The following CAMKK2 variants were observed in gnomAD, a reference collection of about 807,000 sequenced individuals.
CAMKK2 encodes calcium/calmodulin-dependent protein kinase kinase 2.
In CAMKK2, 30 loss-of-function variants were observed where a neutral mutation model predicts 67.2. That is an observed-to-expected ratio of 0.45 (90% CI 0.33 to 0.61). The LOEUF (loss-of-function observed/expected upper bound fraction) is 0.61, where lower values mean the gene tolerates loss of function less well. CAMKK2 is among the 20% of genes least tolerant of loss of function. The pLI is 0.02. For synonymous variants in CAMKK2, 322 were observed against 326.2 expected, an observed-to-expected ratio of 0.99 and a Z score of 0.14; for missense variants, 643 against 802.0, an observed-to-expected ratio of 0.80 and a Z score of 2.39.
At chr12:121,254,267 G>T (rs1891396464) in intron 9 of CAMKK2, among the ~76,000 whole-genome samples, 1 of 151,960 alleles carries the variant, frequency 6.6e-6, no homozygotes. Context: ...AGACCAGCCT[G>T]GCCAACATAG....
rs1235028808 is a variant in CAMKK2 at position 121,279,118 on chromosome 12, C to T, written c.-59-4533G>A. Among the ~76,000 whole-genome samples the T allele has an allele frequency of 3.3e-5, 5 of 152,266 alleles. No individual in the cohort carries two copies. In the East Asian group the frequency reaches 9.6e-4, roughly 29 times the overall value. ...CACCAGGCCAAGGGCACTGAGCCAT[C>T]CGCCCCCAGCAAGGCTGCTTTTAAT... On this transcript the variant is annotated intron_variant, in intron 1 of 16. Coordinates refer to ENST00000404169, the MANE Select transcript of CAMKK2 (RefSeq NM_001270485.2).
At chr12:121,247,568 G>A (rs1889750546) in intron 14 of CAMKK2, among the ~76,000 whole-genome samples, 1 of 152,226 alleles carries the variant, frequency 6.6e-6, no homozygotes, top group Admixed American at 6.5e-5. Flanking sequence ...ACAGGCACAA[G>A]GGGTGGTTGA....
chr12:121,277,298 A>G (rs1237222332), intron 1 of CAMKK2, among the ~76,000 whole-genome samples: 1 of 152,238 alleles, frequency 6.6e-6, no homozygotes, highest in African/African-American at 2.4e-5. Context: ...AGAACTGCAA[A>G]TTCAAACTAC....
At chr12:121,247,853 C>A (rs1889820754) in intron 14 of CAMKK2, among the ~76,000 whole-genome samples, 1 of 152,202 alleles carries the variant, frequency 6.6e-6, no homozygotes, top group African/African-American at 2.4e-5. Context: ...CAGGGGCCCG[C>A]CGGCCCACTG....
rs541526099 is a variant in CAMKK2 at position 121,271,990 on chromosome 12, G to A, written c.472-1045C>T. ...CTCCCAAAATGCTGGGATTACAGGC[G>A]TGAGCTACTGGGCCTAGCCTATTTT... is the stretch of plus-strand genomic sequence containing the variant. On this transcript the variant is annotated intron_variant, in intron 2 of 16. Transcript: ENST00000404169. Among the ~76,000 whole-genome samples, 11 of 152,054 alleles carry A rather than the reference G, an allele frequency of 7.2e-5. No individual in the cohort carries two copies. In the South Asian group the frequency reaches 8.3e-4, roughly 12 times the overall value.
intron 1 of CAMKK2, among the ~76,000 whole-genome samples, chr12:121,293,403 C>G (rs1900483598): frequency 6.6e-6 from 1 of 152,142 alleles, no homozygotes; most frequent in African/African-American, 2.4e-5. Flanking sequence ...CCATAACCAC[C>G]AGAAGAAAGT....
rs745893060 is a variant in CAMKK2 at position 121,270,922 on chromosome 12, A to G, written c.495T>C (p.Tyr165=). The G allele has an allele frequency of 1.2e-5, 20 of 1,613,614 alleles. No individual in the cohort carries two copies. Among genetic ancestry groups the G allele is most frequent in the Non-Finnish European group, 1.7e-5 (20 of 1,179,712 alleles). The change falls in exon 3 of 17, where the codon TAT becomes TAC. Residue 165 remains tyrosine (Y), a synonymous_variant. Transcript: ENST00000404169. ...CCTTTCCAATTTCATCCTTCAGGGT[A>G]TACTGATTCAGCTGCACACAGTCCT... is the stretch of plus-strand genomic sequence containing the variant. ...GMQDCVQLNQ[Y]TLKDEIGKGS...
chr12:121,248,626 T>A lies in CAMKK2; in HGVS notation c.1432A>T (p.Ile478Phe). 6.2e-7 allele frequency: 1 copy of A among 1,614,166 alleles called. No individual in the cohort carries two copies. Reference sequence around the variant, plus strand: ...CTTACCACGGTTGCCAAGCTGGGAATGTGTTTGACTGAGTTCTCGACCTCC... The same window carrying A: ...CTTACCACGGTTGCCAAGCTGGGAAAGTGTTTGACTGAGTTCTCGACCTCC... Reference protein sequence around the residue: ...EEEVENSVKHIPSLATVILVK... With the variant: ...EEEVENSVKHFPSLATVILVK... The change falls in exon 14 of 17, where the codon ATT becomes TTT. Residue 478 changes from isoleucine (I) to phenylalanine (F), a missense_variant. Physicochemically the swap from Ile to Phe is conservative, Grantham distance 21. Coordinates refer to ENST00000404169, the MANE Select transcript of CAMKK2 (RefSeq NM_001270485.2).
At chr12:121,288,572 ACCCTGGC>A (rs1259260967) in intron 1 of CAMKK2, among the ~76,000 whole-genome samples, 1 of 152,144 alleles carries the variant, frequency 6.6e-6, no homozygotes, top group East Asian at 1.9e-4. Context: ...TCCCTTCTGC[ACCCTGGC>A]CCCCGCAAAA....
At chr12:121,255,427 A>ACCCCAATCCAC (rs1892056673) in intron 9 of CAMKK2, 123 bp downstream of exon 9, 4 of 522,092 alleles carry the variant, frequency 7.7e-6, no homozygotes. Flanking sequence ...CCTCTAGAGG[A>ACCCCAATCCAC]CCCCAATCCA....
chr12:121,283,524 C>G (rs1036365455), intron 1 of CAMKK2, among the ~76,000 whole-genome samples: 4 of 152,132 alleles, frequency 2.6e-5, no homozygotes, highest in African/African-American at 9.7e-5. Flanking sequence ...ACACCAGGTT[C>G]AAAGCTATCT....
chr12:121,273,274 G>A (rs1896117300), intron 2 of CAMKK2, among the ~76,000 whole-genome samples: 1 of 151,964 alleles, frequency 6.6e-6, no homozygotes, highest in South Asian at 2.1e-4. Context: ...ATGGGGTGGT[G>A]GGGGAGGTGG....
At chr12:121,281,318 C>G (rs1045913025) in intron 1 of CAMKK2, among the ~76,000 whole-genome samples, 1 of 152,214 alleles carries the variant, frequency 6.6e-6, no homozygotes, top group Non-Finnish European at 1.5e-5. Context: ...CTCCCAAGCC[C>G]GGACACACCT....
In CAMKK2 at chr12:121,274,126, G is replaced by A. The variant is rs765441955; in HGVS notation, c.401C>T (p.Pro134Leu). Residue 134 changes from proline to leucine, a missense_variant, in exon 2 of 17, where the codon CCG (proline) becomes CTG (leucine). Pro to Leu is a moderately conservative substitution (Grantham distance 98). This residue lies in a region of CAMKK2 where 483 missense variants were observed against 625.8 expected (regional missense o/e 0.77). Coordinates refer to ENST00000404169, the MANE Select transcript of CAMKK2 (RefSeq NM_001270485.2). Reference protein sequence around the residue: ...PSLPYSPVSSPQSSPRLPRRP... With the variant: ...PSLPYSPVSSLQSSPRLPRRP... ...CCGGGGCAGCCGAGGCGAGGACTGC[G>A]GGGAGCTGACGGGTGAGTAGGGCAG... 1.5e-5 allele frequency: 23 copies of A among 1,574,414 alleles called. No individual in the cohort carries two copies. Among genetic ancestry groups the A allele is most frequent in the Non-Finnish European group, 1.7e-5 (20 of 1,158,828 alleles).
At chr12:121,281,016 C>T (rs199570233) in intron 1 of CAMKK2, among the ~76,000 whole-genome samples, 175 of 147,132 alleles carry the variant, frequency 1.2e-3, no homozygotes, top group Middle Eastern at 3.2e-3. Context: ...TTTGAAAATC[C>T]CTAATAAAAA....
chr12:121,257,101 C>G (rs577181581), intron 7 of CAMKK2, among the ~76,000 whole-genome samples: 1 of 151,922 alleles, frequency 6.6e-6, no homozygotes, highest in South Asian at 2.1e-4. Context: ...GAATCATACA[C>G]CCACAATGAG....
At chr12:121,270,680 C>T (rs1296638418) in intron 3 of CAMKK2, among the ~76,000 whole-genome samples, 6 of 152,090 alleles carry the variant, frequency 3.9e-5, no homozygotes, top group Admixed American at 2.0e-4. Context: ...TATGGAATTT[C>T]GTTGGAAGCT....
chr12:121,296,465 C>G lies in CAMKK2; in HGVS notation c.-60+173G>C, dbSNP rs1901233390. ...TCGGGGACCGTGTCCCTCCACGTGG[C>G]GGGGCGTGGGGAGGCGCACGTGGGG... On this transcript the variant is annotated intron_variant, in intron 1 of 16. Transcript: ENST00000404169. This position sits in a 1 kb window ranked among gnomAD's most constrained non-coding sequence, Gnocchi z 7.1. Among the ~76,000 whole-genome samples the G allele has an allele frequency of 6.6e-6, 1 of 152,114 alleles. No individual in the cohort carries two copies. The highest frequency in any genetic ancestry group is 2.4e-5 in the African/African-American group (1 of 41,448).
chr12:121,251,164 CTCTACCTAATCACTGCCT>C (rs958882303), intron 11 of CAMKK2, among the ~76,000 whole-genome samples: 1 of 152,214 alleles, frequency 6.6e-6, no homozygotes, highest in African/African-American at 2.4e-5. Context: ...GTGACTTGAG[CTCTACCTAATCACTGCCT>C]TCTAAGGCAT....
Sources: gnomAD v4.1 joint callset for allele counts (sites outside exome capture counted in the v4.1 genomes callset) on GRCh38, gnomAD v4.1.1 for gene constraint, gnomAD v4.1.1 regional missense constraint, Gnocchi (gnomAD v3.1) non-coding constraint, MANE v1.5 for transcripts, NCBI Gene and HGNC (gene_info 2026-07-23, HGNC 2026-07-21) for gene names.